SNTG2: variants seen among roughly 807,000 people sequenced by gnomAD.
SNTG2 encodes the protein gamma-2-syntrophin.
Under a neutral mutation model 70.9 loss-of-function variants are expected in SNTG2, and 74 were observed. The ratio of observed to expected loss-of-function variants is 1.04; its 90% CI spans 0.86 to 1.27. SNTG2 has a LOEUF of 1.27. Among genes scored for constraint, SNTG2 ranks in the 50% most tolerant of loss-of-function variants. The pLI is 0.00. For synonymous variants in SNTG2, 278 were observed against 273.8 expected, an observed-to-expected ratio of 1.02 and a Z score of -0.15; for missense variants, 717 against 690.7, an observed-to-expected ratio of 1.04 and a Z score of -0.43.
At chr2:1,024,322 A>AT (rs1428830586) in intron 1 of SNTG2, among the ~76,000 whole-genome samples, 1 of 152,222 alleles carries the variant, frequency 6.6e-6, no homozygotes, top group Non-Finnish European at 1.5e-5. Flanking sequence ...GTTATTATTT[A>AT]TTTTTTCTAT....
intron 2 of SNTG2, among the ~76,000 whole-genome samples, chr2:1,086,962 A>G (rs917971285): frequency 2.0e-5 from 3 of 152,312 alleles, no homozygotes; most frequent in Admixed American, 1.3e-4. Flanking sequence ...AGCTGAAGAA[A>G]TGACACAGAA....
At chr2:1,025,002 A>G (rs1660393478) in intron 1 of SNTG2, among the ~76,000 whole-genome samples, 1 of 152,248 alleles carries the variant, frequency 6.6e-6, no homozygotes, top group African/African-American at 2.4e-5. Context: ...CATACACTCT[A>G]CGTGGATTAG....
rs1227807810 is a variant in SNTG2 at position 1,137,654 on chromosome 2, G to A, written c.358G>A (p.Ala120Thr). The change falls in exon 5 of 17, where the codon GCT (alanine) becomes ACT (threonine). Residue 120 changes from alanine to threonine, a missense_variant. Coordinates refer to ENST00000308624, the MANE Select transcript of SNTG2 (RefSeq NM_018968.4). ...GACAGGGATGTTGTTCGTAGGAGAT[G>A]CTGTTCTCCAGGTCAGTATTGTACA... ...DQTGMLFVGD[A>T]VLQVNGIHVE... 2.5e-6 allele frequency: 4 copies of A among 1,613,168 alleles called. No individual in the cohort carries two copies. Among genetic ancestry groups the A allele is most frequent in the Non-Finnish European group, 3.4e-6 (4 of 1,179,684 alleles).
intron 16 of SNTG2, among the ~76,000 whole-genome samples, chr2:1,318,378 T>C (rs1681381597): frequency 6.6e-6 from 1 of 152,260 alleles, no homozygotes; most frequent in South Asian, 2.1e-4. Context: ...CCTCTCTTCA[T>C]TGATCTCAAT....
intron 1 of SNTG2, among the ~76,000 whole-genome samples, chr2:975,483 G>C (rs1210782037): frequency 6.6e-6 from 1 of 152,246 alleles, no homozygotes; most frequent in Non-Finnish European, 1.5e-5. Context: ...GAGATTTGCA[G>C]GAGAAAGTCT....
chr2:1,331,396 T>G (rs933308675), intron 16 of SNTG2, among the ~76,000 whole-genome samples: 4 of 152,242 alleles, frequency 2.6e-5, no homozygotes, highest in South Asian at 2.1e-4. Flanking sequence ...AAGCAGACCT[T>G]CTGCTGCGAG....
chr2:1,262,080 T>C lies in SNTG2; in HGVS notation c.1077+2639T>C, dbSNP rs541933037. 8.5e-5 allele frequency among the ~76,000 whole-genome samples: 13 copies of C among 152,288 alleles called. No homozygotes were observed. In the South Asian group the frequency reaches 1.2e-3, roughly 15 times the overall value. On this transcript the variant is annotated intron_variant, in intron 13 of 16. Coordinates refer to ENST00000308624, the MANE Select transcript of SNTG2 (RefSeq NM_018968.4). ...TTCCTAAATGATTTTCCTAAAGCCATGTCAGGACAAAACTGCACCAGAGTT... is the reference window on the plus strand; with the variant it reads ...TTCCTAAATGATTTTCCTAAAGCCACGTCAGGACAAAACTGCACCAGAGTT...
intron 6 of SNTG2, 32 bp from the exon 7 acceptor site, chr2:1,165,516 G>C (rs745474551): frequency 2.5e-6 from 4 of 1,573,896 alleles, no homozygotes; most frequent in Non-Finnish European, 3.5e-6. Context: ...CTTTTGTGGT[G>C]GTAAAAGTAG....
chr2:1,011,076 T>C (rs527581775), intron 1 of SNTG2, among the ~76,000 whole-genome samples: 2 of 152,370 alleles, frequency 1.3e-5, no homozygotes, highest in East Asian at 3.9e-4. Context: ...ATAGGTTTTC[T>C]TTTAGTTTAT....
intron 8 of SNTG2, among the ~76,000 whole-genome samples, chr2:1,208,789 G>A (rs2147991411): frequency 6.6e-6 from 1 of 152,228 alleles, no homozygotes; most frequent in South Asian, 2.1e-4. Flanking sequence ...CTTTCTCACG[G>A]TCTCTATGCA....
intron 9 of SNTG2, among the ~76,000 whole-genome samples, chr2:1,230,847 A>G (rs4971423): frequency 0.32 from 48,212 of 150,588 alleles, 9,105 homozygotes; most frequent in African/African-American, 0.54. Context: ...GGGTCACTGC[A>G]GGGGTGAAAT....
At chr2:1,094,972 A>G (rs1665290298) in intron 2 of SNTG2, among the ~76,000 whole-genome samples, 1 of 139,964 alleles carries the variant, frequency 7.1e-6, no homozygotes, top group African/African-American at 2.6e-5. Flanking sequence ...CTCATATGGT[A>G]GAGTTACTGG....
At chr2:1,017,032 C>T (rs1416265627) in intron 1 of SNTG2, among the ~76,000 whole-genome samples, 1 of 152,144 alleles carries the variant, frequency 6.6e-6, no homozygotes, top group South Asian at 2.1e-4. Context: ...TTTAATCTTT[C>T]TTATCTCTAG....
intron 1 of SNTG2, among the ~76,000 whole-genome samples, chr2:977,201 A>G (rs1660934684): frequency 6.6e-6 from 1 of 152,230 alleles, no homozygotes. Flanking sequence ...TAATCCAGAG[A>G]CAACGGATTG....
chr2:1,316,166 G>A lies in SNTG2; in HGVS notation c.1378-99G>A, dbSNP rs562370627. 194 of 603,664 alleles carry A rather than the reference G, an allele frequency of 3.2e-4. 1 individual carries two copies. In the African/African-American group the frequency reaches 3.4e-3, roughly 11 times the overall value. 37.4% of individuals were successfully genotyped at this position (603,664 alleles called of 1,614,324 possible). ...ACGTCGATTTAAACATTAAGTGAAT[G>A]TCTGTTGATTTAACGAGGCTGTTTA... On this transcript the variant is annotated intron_variant, in intron 15 of 16. Transcript: ENST00000308624.
At chr2:960,390 C>T (rs937989486) in intron 1 of SNTG2, among the ~76,000 whole-genome samples, 2 of 152,160 alleles carry the variant, frequency 1.3e-5, no homozygotes, top group Non-Finnish European at 2.9e-5. Flanking sequence ...CTTCAGTGCA[C>T]GATGCTTTTC....
chr2:1,100,756 T>C (rs1460198824), intron 4 of SNTG2, among the ~76,000 whole-genome samples: 3 of 151,970 alleles, frequency 2.0e-5, no homozygotes, highest in Admixed American at 2.0e-4. Flanking sequence ...TTTTCATTAA[T>C]GGGTTTTTTT....
Position 1,367,333 on chromosome 2 carries a change from T to C in SNTG2, c.1489-10T>C, listed in dbSNP as rs746357545. The C allele has an allele frequency of 1.3e-5, 20 of 1,525,326 alleles. No homozygotes were observed. The South Asian group carries it at 2.0e-4, about 15-fold the overall frequency. The allele number at this position is 1,525,326 out of a possible 1,614,324, so 94.5% of individuals were successfully genotyped here. On this transcript the variant is annotated splice_polypyrimidine_tract_variant and intron_variant, in intron 16 of 16. Transcript: ENST00000308624. The stretch of plus-strand genomic sequence containing the variant: ...TTATAATAAACACTTGATCTGATTT[T>C]CTCCTCCAGGAACTCGAGTTCCAGG...
intron 1 of SNTG2, among the ~76,000 whole-genome samples, chr2:957,763 G>T (rs1448146461): frequency 6.6e-6 from 1 of 152,104 alleles, no homozygotes; most frequent in Admixed American, 6.5e-5. Flanking sequence ...CAGGCCAGGG[G>T]CACCTGCAGC....
Sources: allele counts gnomAD v4.1 joint callset (sites outside exome capture counted in the v4.1 genomes callset), GRCh38; gene constraint gnomAD v4.1.1; transcripts MANE v1.5; gene names NCBI Gene and HGNC (gene_info 2026-07-23, HGNC 2026-07-21).